ARHGAP39: variants seen among roughly 807,000 people sequenced by gnomAD.
ARHGAP39 encodes the protein rho GTPase-activating protein 39.
A neutral mutation model predicts 106.9 loss-of-function variants in ARHGAP39; 44 were observed. That is an observed-to-expected ratio of 0.41 (90% CI 0.32 to 0.53). The LOEUF (loss-of-function observed/expected upper bound fraction) is 0.53. Among genes scored for constraint, ARHGAP39 ranks in the 20% least tolerant of loss-of-function variants. The pLI, the probability that ARHGAP39 is intolerant of heterozygous loss-of-function variation, is 0.21. For missense variants in ARHGAP39, 1,496 were observed against 1,577.3 expected, an observed-to-expected ratio of 0.95 and a Z score of 0.87; for synonymous variants, 768 against 693.2, an observed-to-expected ratio of 1.11 and a Z score of -1.69.
intron 3 of ARHGAP39, 37 bp from the exon 4 acceptor site, chr8:144,555,680 G>A (rs904647082): frequency 4.5e-6 from 7 of 1,567,562 alleles, no homozygotes; most frequent in African/African-American, 1.3e-5. Flanking sequence ...ATGAATATAA[G>A]TGCAATCGTT....
intron 2 of ARHGAP39, among the ~76,000 whole-genome samples, chr8:144,583,183 G>A (rs1661467077): frequency 6.6e-6 from 1 of 152,302 alleles, no homozygotes; most frequent in Non-Finnish European, 1.5e-5. Context: ...TCCCCCAGTC[G>A]CTCCTGACGA....
chr8:144,597,955 G>C (rs1345281171), intron 2 of ARHGAP39, among the ~76,000 whole-genome samples: 1 of 152,192 alleles, frequency 6.6e-6, no homozygotes, highest in Non-Finnish European at 1.5e-5. Context: ...TGGAAGAAAA[G>C]GCCGGAGGAG....
intron 3 of ARHGAP39, among the ~76,000 whole-genome samples, chr8:144,563,346 A>G (rs1179910750): frequency 1.3e-5 from 2 of 152,370 alleles, no homozygotes; most frequent in Admixed American, 1.3e-4. Context: ...TCAGAAATCA[A>G]TGATAAATAT....
intron 7 of ARHGAP39, among the ~76,000 whole-genome samples, chr8:144,534,592 T>C (rs1816879218): frequency 6.6e-6 from 1 of 152,208 alleles, no homozygotes; most frequent in South Asian, 2.1e-4. Flanking sequence ...CCCTGGCTTT[T>C]AGGCTGTGGG....
intron 1 of ARHGAP39, among the ~76,000 whole-genome samples, chr8:144,661,210 A>T (rs1821813671): frequency 6.6e-6 from 1 of 152,172 alleles, no homozygotes; most frequent in Non-Finnish European, 1.5e-5. Flanking sequence ...AGTGTGGAGC[A>T]GAGGAGGCCA....
chr8:144,570,339 G>A (rs1269931491), intron 3 of ARHGAP39, among the ~76,000 whole-genome samples: 4 of 152,190 alleles, frequency 2.6e-5, no homozygotes, highest in Non-Finnish European at 5.9e-5. Context: ...GAACAATCCT[G>A]CCAAACAAAA....
chr8:144,531,044 C>T (rs1001058798), intron 10 of ARHGAP39, among the ~76,000 whole-genome samples, 173 bp from the exon 11 acceptor site: 9 of 152,216 alleles, frequency 5.9e-5, no homozygotes, highest in African/African-American at 1.4e-4. Flanking sequence ...GAGGGCCTTT[C>T]GGCTCCTGGG....
Position 144,679,608 on chromosome 8 carries a change from C to T in ARHGAP39, c.-82+6078G>A, listed in dbSNP as rs957548227. ...ACCAACCCATCCTACAGAACATTGC[C>T]AATTAAATCTCCCTAAACCATTAAT... On this transcript the variant is annotated intron_variant, in intron 1 of 11. Coordinates refer to ENST00000377307, the MANE Select transcript of ARHGAP39 (RefSeq NM_025251.3). The surrounding 1 kb of genome is among the most constrained non-coding windows in gnomAD (Gnocchi z 4.7). Among the ~76,000 whole-genome samples the T allele has an allele frequency of 6.6e-6, 1 of 152,218 alleles. No individual in the cohort carries two copies. Among genetic ancestry groups the T allele is most frequent in the African/African-American group, 2.4e-5 (1 of 41,452 alleles).
upstream of ARHGAP39, among the ~76,000 whole-genome samples, chr8:144,690,215 C>T (rs772172655): frequency 4.6e-5 from 7 of 151,850 alleles, no homozygotes; most frequent in Admixed American, 3.9e-4. Flanking sequence ...AAGATTCAAG[C>T]GATTCTCCTG....
intron 3 of ARHGAP39, among the ~76,000 whole-genome samples, chr8:144,573,050 G>A (rs935822608): frequency 1.8e-4 from 27 of 152,148 alleles, no homozygotes; most frequent in African/African-American, 5.3e-4. Context: ...GTGGCAATTC[G>A]TCAAGGATTT....
chr8:144,597,629 C>T (rs774214115), intron 2 of ARHGAP39, among the ~76,000 whole-genome samples: 3 of 152,054 alleles, frequency 2.0e-5, no homozygotes, highest in African/African-American at 4.8e-5. Flanking sequence ...TCAATGGGGC[C>T]GGGATTGCTG....
At chr8:144,576,376 C>T (rs1818778785) in intron 3 of ARHGAP39, among the ~76,000 whole-genome samples, 1 of 151,104 alleles carries the variant, frequency 6.6e-6, no homozygotes, top group East Asian at 1.9e-4. Flanking sequence ...AAAAACCTCC[C>T]ACAGAGCTTC....
At chr8:144,564,320 C>G (rs758064233) in intron 3 of ARHGAP39, among the ~76,000 whole-genome samples, 1 of 152,208 alleles carries the variant, frequency 6.6e-6, no homozygotes, top group Non-Finnish European at 1.5e-5. Context: ...CCTGAGCACA[C>G]CAAATGCTCT....
At chr8:144,627,870 A>T (rs1803583213) in intron 1 of ARHGAP39, among the ~76,000 whole-genome samples, 1 of 152,214 alleles carries the variant, frequency 6.6e-6, no homozygotes, top group South Asian at 2.1e-4. Flanking sequence ...CAGTCACAGC[A>T]GTGCTCTGCC....
intron 1 of ARHGAP39, among the ~76,000 whole-genome samples, chr8:144,617,343 G>C (rs890582139): frequency 2.0e-5 from 3 of 152,180 alleles, no homozygotes; most frequent in Admixed American, 2.0e-4. Context: ...TTGGCAGGCG[G>C]GACAAGCGGC....
intron 1 of ARHGAP39, among the ~76,000 whole-genome samples, chr8:144,621,361 G>A (rs538315554): frequency 5.3e-5 from 8 of 152,348 alleles, no homozygotes; most frequent in East Asian, 3.9e-4. Context: ...GCCCTCAAAC[G>A]CAGCTTGCCA....
chr8:144,566,427 G>T (rs1818398686), intron 3 of ARHGAP39, among the ~76,000 whole-genome samples: 1 of 152,004 alleles, frequency 6.6e-6, no homozygotes, highest in African/African-American at 2.4e-5. Context: ...AGCTGGGTGT[G>T]GTGGTGTGCA....
intron 6 of ARHGAP39, among the ~76,000 whole-genome samples, chr8:144,538,632 C>T (rs927761957): frequency 1.3e-5 from 2 of 152,174 alleles, no homozygotes; most frequent in African/African-American, 4.8e-5. Flanking sequence ...TCTCAGCTCA[C>T]TGCAACCTCC....
Position 144,530,687 on chromosome 8 carries a change from C to A in ARHGAP39, c.3150+15G>T. ...GGGAGGGGAAAGCAGCGGGGACCCC[C>A]GGGGAGGGAAGTACCTGCAGGAAGC... On this transcript the variant is annotated intron_variant, in intron 11 of 11. Transcript: ENST00000377307. The A allele has an allele frequency of 6.4e-7, 1 of 1,574,534 alleles. No homozygotes were observed. The highest frequency in any genetic ancestry group is 2.3e-5 in the East Asian group (1 of 42,840).
Sources: allele counts gnomAD v4.1 joint callset (sites outside exome capture counted in the v4.1 genomes callset), GRCh38; gene constraint gnomAD v4.1.1; non-coding constraint Gnocchi (gnomAD v3.1); transcripts MANE v1.5; gene names NCBI Gene and HGNC (gene_info 2026-07-23, HGNC 2026-07-21).